LHCGR: variants seen among roughly 807,000 people sequenced by gnomAD.
The protein encoded by LHCGR is luteinizing hormone/choriogonadotropin receptor.
A neutral mutation model predicts 60.7 loss-of-function variants in LHCGR; 55 were observed. The ratio of observed to expected loss-of-function variants is 0.91; its 90% CI spans 0.73 to 1.13. The LOEUF (loss-of-function observed/expected upper bound fraction) is 1.13, where lower values mean the gene tolerates loss of function less well. Among genes scored for constraint, LHCGR ranks in the 50% most tolerant of loss-of-function variants. LHCGR has a pLI of 0.00. For missense variants in LHCGR, 862 were observed against 836.0 expected, an observed-to-expected ratio of 1.03 and a Z score of -0.38; for synonymous variants, 337 against 316.5, an observed-to-expected ratio of 1.06 and a Z score of -0.69.
chr2:48,736,251 C>A (rs1211799199), intron 1 of LHCGR, among the ~76,000 whole-genome samples: 1 of 152,156 alleles, frequency 6.6e-6, no homozygotes, highest in Non-Finnish European at 1.5e-5. Flanking sequence ...TTGGGCAGCC[C>A]TCATCCAGTG....
intron 1 of LHCGR, among the ~76,000 whole-genome samples, chr2:48,732,013 A>G (rs1669013300): frequency 6.6e-6 from 1 of 152,164 alleles, no homozygotes; most frequent in Non-Finnish European, 1.5e-5. Context: ...ATTCACTTAT[A>G]CCCACAGGAA....
At position 48,701,450 on chromosome 2, in the gene LHCGR, C is replaced by T. The variant is rs144693896; in HGVS notation, c.681-2650G>A. On this transcript the variant is annotated intron_variant, in intron 8 of 10. Transcript: ENST00000294954. ...TCAAATACACAAGGCAAGATTCTGT[C>T]TCAGGCCTTTGCTTTTGCTGTTCCC... Among the ~76,000 whole-genome samples the T allele has an allele frequency of 8.1e-4, 123 of 152,296 alleles. 1 individual carries two copies. The highest frequency in any genetic ancestry group is 2.6e-3 in the African/African-American group (109 of 41,562).
At chr2:48,693,774 C>A (rs970581607) in intron 10 of LHCGR, among the ~76,000 whole-genome samples, 15 of 152,324 alleles carry the variant, frequency 9.8e-5, no homozygotes, top group Non-Finnish European at 1.8e-4. Context: ...CATTAAGACT[C>A]ATTTTAAGCT....
chr2:48,702,379 C>A (rs190007209), intron 8 of LHCGR, among the ~76,000 whole-genome samples: 1 of 151,988 alleles, frequency 6.6e-6, no homozygotes. Flanking sequence ...TTGTCATTTA[C>A]ATTAGGTATT....
intron 7 of LHCGR, among the ~76,000 whole-genome samples, chr2:48,711,740 T>C (rs1033966534): frequency 6.6e-6 from 1 of 152,212 alleles, no homozygotes; most frequent in African/African-American, 2.4e-5. Context: ...TCTTTTATTT[T>C]TCCCCCTGTT....
intron 1 of LHCGR, among the ~76,000 whole-genome samples, chr2:48,753,805 A>AGT (rs70946826): frequency 0.045 from 6,706 of 149,898 alleles, 377 homozygotes; most frequent in African/African-American, 0.13. Flanking sequence ...GGAGAAACTG[A>AGT]GTGTGTGTGT....
At chr2:48,750,772 C>T (rs139377141) in intron 1 of LHCGR, among the ~76,000 whole-genome samples, 2 of 152,312 alleles carry the variant, frequency 1.3e-5, no homozygotes, top group African/African-American at 4.8e-5. Context: ...CTTACTCTAG[C>T]ACAATGATTC....
intron 3 of LHCGR, among the ~76,000 whole-genome samples, chr2:48,728,212 T>A (rs533521507): frequency 3.3e-5 from 5 of 152,130 alleles, no homozygotes; most frequent in African/African-American, 4.8e-5. Context: ...TGGTCTGAAG[T>A]GTCACATCGG....
chr2:48,725,775 A>G (rs1363058946), intron 3 of LHCGR, 25 bp from the exon 4 acceptor site: 11 of 1,554,630 alleles, frequency 7.1e-6, no homozygotes, highest in Non-Finnish European at 9.8e-6. Context: ...GGAAAAAAAA[A>G]GCTGCTGTTT....
intron 1 of LHCGR, among the ~76,000 whole-genome samples, chr2:48,732,065 A>G (rs1340174822): frequency 6.6e-6 from 1 of 152,240 alleles, no homozygotes; most frequent in Non-Finnish European, 1.5e-5. Context: ...TCTATGCTGT[A>G]CTTAAGATTT....
intron 1 of LHCGR, among the ~76,000 whole-genome samples, chr2:48,740,743 A>G (rs934825420): frequency 2.0e-5 from 3 of 152,224 alleles, no homozygotes; most frequent in Admixed American, 6.5e-5. Context: ...AGATGGGGAA[A>G]AAACAGAGCA....
chr2:48,709,625 G>A (rs774849332), intron 7 of LHCGR, among the ~76,000 whole-genome samples: 2 of 152,250 alleles, frequency 1.3e-5, no homozygotes, highest in Admixed American at 6.5e-5. Flanking sequence ...AATGATCATC[G>A]CCAGGTGTAT....
rs139931370 is a variant in LHCGR, at chr2:48,728,198, C to T, written c.308+955G>A. ...CCTAGGGAAGCCAAAAGATTGGATA[C>T]CCCTGGTCTGAAGTGTCACATCGGT... On this transcript the variant is annotated intron_variant, in intron 3 of 10. Transcript: ENST00000294954. Among the ~76,000 whole-genome samples, 23 of 152,028 alleles carry T rather than the reference C, an allele frequency of 1.5e-4. No individual in the cohort carries two copies. In the East Asian group the frequency reaches 4.4e-3, roughly 29 times the overall value.
At position 48,714,027 on chromosome 2, in the gene LHCGR, T is replaced by A; in HGVS notation, c.564A>T (p.Glu188Asp). The part of the protein sequence containing the change: ...TLKLYGNGFE[E>D]VQSHAFNGTT... ...TCCCATTGAATGCATGACTTTGTAC[T>A]TCTTCAAATCCATTTCCATATAGTT... Residue 188 changes from glutamate to aspartate, a missense_variant, in exon 7 of 11, where the codon GAA becomes GAT. Transcript: ENST00000294954. 6.2e-7 allele frequency: 1 copy of A among 1,613,140 alleles called. No individual in the cohort carries two copies. Among genetic ancestry groups the A allele is most frequent in the Non-Finnish European group, 8.5e-7 (1 of 1,179,178 alleles).
At chr2:48,699,388 T>TACCCTCTCTCTTCCTCCCC (rs1224978282) in intron 8 of LHCGR, among the ~76,000 whole-genome samples, 2 of 152,136 alleles carry the variant, frequency 1.3e-5, no homozygotes, top group Admixed American at 6.5e-5. Context: ...TCCTTTTCCC[T>TACCCTCTCTCTTCCTCCCC]ACCCTCTCTC....
intron 9 of LHCGR, among the ~76,000 whole-genome samples, chr2:48,694,619 A>G (rs1667027699): frequency 5.9e-5 from 9 of 152,220 alleles, no homozygotes; most frequent in Admixed American, 5.9e-4. Flanking sequence ...CTTTTATGAT[A>G]TATTAAGGTT....
chr2:48,719,023 T>C (rs1380431284), intron 6 of LHCGR, among the ~76,000 whole-genome samples: 1 of 152,180 alleles, frequency 6.6e-6, no homozygotes, highest in Non-Finnish European at 1.5e-5. Flanking sequence ...GAAAGAATGA[T>C]AACAATAAAG....
intron 1 of LHCGR, among the ~76,000 whole-genome samples, chr2:48,745,882 A>G (rs564351549): frequency 0.043 from 6,423 of 149,714 alleles, 191 homozygotes; most frequent in Non-Finnish European, 0.056. Context: ...AATTAAAAGA[A>G]AAAAAAAAGG....
In LHCGR at chr2:48,687,949, A is replaced by G; in HGVS notation, c.1848T>C (p.Ser616=). Residue 616 remains serine, a synonymous_variant, in exon 11 of 11, where the codon TCT becomes TCC. Coordinates refer to ENST00000294954, the MANE Select transcript of LHCGR (RefSeq NM_000233.4). Reference sequence around the variant, plus strand: ...TTGCATACAGAAATGGATTGGCACAAGAATTGATGGGATAAAAAAGAACCA... The same window carrying G: ...TTGCATACAGAAATGGATTGGCACAGGAATTGATGGGATAAAAAAGAACCA... ...VLLVLFYPIN[S]CANPFLYAIF... The G allele has an allele frequency of 6.2e-7, 1 of 1,614,200 alleles. No homozygotes were observed. Among genetic ancestry groups the G allele is most frequent in the East Asian group, 2.2e-5 (1 of 44,880 alleles).
Sources: allele counts gnomAD v4.1 joint callset (sites outside exome capture counted in the v4.1 genomes callset), GRCh38; gene constraint gnomAD v4.1.1; transcripts MANE v1.5; gene names NCBI Gene and HGNC (gene_info 2026-07-23, HGNC 2026-07-21).